Variants in CNTLN observed in about 807,000 individuals in gnomAD.
CNTLN encodes centlein, also known as centlein, centrosomal protein.
A neutral mutation model predicts 180.0 loss-of-function variants in CNTLN; 212 were observed. The ratio of observed to expected loss-of-function variants is 1.18; its 90% CI spans 1.05 to 1.32. The LOEUF is 1.32. Among genes scored for constraint, CNTLN ranks in the 40% most tolerant of loss-of-function variants. The probability of loss-of-function intolerance (pLI) is 0.00; values close to 1 mark genes in which losing one functional copy is unlikely to be tolerated. For synonymous variants in CNTLN, 722 were observed against 563.1 expected, an observed-to-expected ratio of 1.28 and a Z score of -3.99; for missense variants, 2,095 against 1,610.9, an observed-to-expected ratio of 1.30 and a Z score of -5.14.
At chr9:17,295,993 A>T (rs1050201862) in intron 6 of CNTLN, among the ~76,000 whole-genome samples, 2 of 81,064 alleles carry the variant, frequency 2.5e-5, no homozygotes, top group African/African-American at 1.4e-4. Context: ...AGAGAGAGAG[A>T]GAGAGTGTGT....
chr9:17,488,873 A>T (rs1163689598), intron 25 of CNTLN, among the ~76,000 whole-genome samples: 1 of 152,138 alleles, frequency 6.6e-6, no homozygotes, highest in African/African-American at 2.4e-5. Flanking sequence ...GCCTTTATGA[A>T]CACTGGGAAA....
chr9:17,164,651 T>G (rs139991461), intron 2 of CNTLN, among the ~76,000 whole-genome samples: 3,246 of 151,258 alleles, frequency 0.021, 123 homozygotes, highest in African/African-American at 0.076. Flanking sequence ...TTCACTATGT[T>G]GGCCAGGCTC....
At chr9:17,166,314 A>G (rs1419576920) in intron 2 of CNTLN, among the ~76,000 whole-genome samples, 1 of 152,194 alleles carries the variant, frequency 6.6e-6, no homozygotes, top group Non-Finnish European at 1.5e-5. Context: ...TAAATATTCC[A>G]AAGATTATAA....
At chr9:17,157,487 G>A (rs1453391362) in intron 2 of CNTLN, among the ~76,000 whole-genome samples, 2 of 152,160 alleles carry the variant, frequency 1.3e-5, no homozygotes, top group Non-Finnish European at 2.9e-5. Flanking sequence ...CAATGTGAAA[G>A]TTAATTTTAA....
At chr9:17,146,791 A>T in intron 2 of CNTLN, among the ~76,000 whole-genome samples, 1 of 152,220 alleles carries the variant, frequency 6.6e-6, no homozygotes, top group Middle Eastern at 3.4e-3. Flanking sequence ...ATTACTTCTA[A>T]AAATTACTTA....
intron 2 of CNTLN, among the ~76,000 whole-genome samples, chr9:17,225,799 G>T (rs2053085939): frequency 6.6e-6 from 1 of 151,708 alleles, no homozygotes; most frequent in Non-Finnish European, 1.5e-5. Flanking sequence ...CTAGTTATAG[G>T]GTATCGACTA....
chr9:17,236,094 C>T (rs954949641), intron 4 of CNTLN, among the ~76,000 whole-genome samples: 1 of 152,128 alleles, frequency 6.6e-6, no homozygotes, highest in Non-Finnish European at 1.5e-5. Context: ...ATTGATAAAA[C>T]CCAGGTCTGG....
chr9:17,434,561 T>G (rs1343986674), intron 18 of CNTLN, among the ~76,000 whole-genome samples: 4 of 152,132 alleles, frequency 2.6e-5, no homozygotes, highest in African/African-American at 4.8e-5. Context: ...AATTTTAGTT[T>G]TATTCCATTA....
Position 17,457,529 on chromosome 9 carries a change from A to G in CNTLN, c.3120A>G (p.Leu1040=). The change falls in exon 19 of 26, where the codon CTA becomes CTG. Residue 1040 remains leucine, a synonymous_variant. Coordinates refer to ENST00000380647, the MANE Select transcript of CNTLN (RefSeq NM_017738.4). ...FQTSRQTIKK[L]NLDLAGLRKE... is the part of the protein sequence containing the mutation. ...TTTCTTTTTTTAAAAAAAAGAAGCT[A>G]AATTTGGATTTGGCTGGGCTTCGGA... The G allele has an allele frequency of 6.9e-7, 1 of 1,454,990 alleles. No homozygotes were observed. Among genetic ancestry groups the G allele is most frequent in the Non-Finnish European group, 9.1e-7 (1 of 1,101,712 alleles). The allele number at this position is 1,454,990 out of a possible 1,614,324, so 90.1% of individuals were successfully genotyped here.
intron 19 of CNTLN, among the ~76,000 whole-genome samples, chr9:17,458,188 G>A (rs553799888): frequency 5.0e-4 from 75 of 149,808 alleles, no homozygotes; most frequent in South Asian, 1.5e-3. Flanking sequence ...TAAAATAGTA[G>A]GAAGTATGTA....
intron 19 of CNTLN, among the ~76,000 whole-genome samples, chr9:17,458,094 G>A (rs1417576447): frequency 1.3e-5 from 2 of 151,752 alleles, no homozygotes; most frequent in Non-Finnish European, 2.9e-5. Context: ...TTAAACTTGA[G>A]AATGAAACCA....
chr9:17,274,468 T>TCTAC (rs929091945), intron 6 of CNTLN, among the ~76,000 whole-genome samples: 4 of 144,296 alleles, frequency 2.8e-5, no homozygotes, highest in Admixed American at 1.4e-4. Flanking sequence ...TATCTATCTA[T>TCTAC]CTATCTATCT....
intron 14 of CNTLN, among the ~76,000 whole-genome samples, chr9:17,391,759 T>C (rs1337831092): frequency 6.6e-6 from 1 of 152,180 alleles, no homozygotes; most frequent in Non-Finnish European, 1.5e-5. Context: ...ATTAGGTAGA[T>C]GTTAAGGTGA....
chr9:17,508,035 A>C (rs1833964451), downstream of CNTLN, among the ~76,000 whole-genome samples: 2 of 152,160 alleles, frequency 1.3e-5, no homozygotes, highest in South Asian at 4.1e-4. Context: ...TGAAGGCCTC[A>C]GAGTCACCCA....
chr9:17,436,517 G>A (rs892634333), intron 18 of CNTLN, among the ~76,000 whole-genome samples: 1 of 152,096 alleles, frequency 6.6e-6, no homozygotes, highest in Admixed American at 6.6e-5. Context: ...AAATGCCTTG[G>A]GTTTTCTAGT....
At chr9:17,281,565 C>T (rs552641495) in intron 6 of CNTLN, among the ~76,000 whole-genome samples, 1 of 152,108 alleles carries the variant, frequency 6.6e-6, no homozygotes, top group Non-Finnish European at 1.5e-5. Flanking sequence ...CGTTAGTTTG[C>T]TGACGATAAT....
In CNTLN at chr9:17,332,740, A is replaced by G. The variant is rs759394924; in HGVS notation, c.1644+10A>G. On this transcript the variant is annotated intron_variant, in intron 10 of 25. Transcript: ENST00000380647. ...GGCACTACAACTAAAGGTGAACATT[A>G]AATCATTTCTTTAGTAGTAACCTTG... is the stretch of plus-strand genomic sequence containing the variant. 1 of 1,575,424 alleles carries G rather than the reference A, an allele frequency of 6.3e-7. No individual in the cohort carries two copies. Among genetic ancestry groups the G allele is most frequent in the East Asian group, 2.3e-5 (1 of 44,096 alleles).
intron 15 of CNTLN, among the ~76,000 whole-genome samples, chr9:17,396,881 G>T (rs1366719511): frequency 1.3e-5 from 2 of 152,146 alleles, no homozygotes; most frequent in African/African-American, 2.4e-5. Flanking sequence ...TGAAGGAAAG[G>T]CCAAAGGACC....
chr9:17,244,740 T>C (rs1825703297), intron 5 of CNTLN, among the ~76,000 whole-genome samples: 1 of 152,160 alleles, frequency 6.6e-6, no homozygotes, highest in African/African-American at 2.4e-5. Flanking sequence ...CTGTTTTTCT[T>C]TTAGTAAAGG....
Sources: gnomAD v4.1 joint callset for allele counts (sites outside exome capture counted in the v4.1 genomes callset) on GRCh38, gnomAD v4.1.1 for gene constraint, MANE v1.5 for transcripts, NCBI Gene and HGNC (gene_info 2026-07-23, HGNC 2026-07-21) for gene names.